Variants in CYP4F3 observed in about 807,000 individuals in gnomAD.
CYP4F3 encodes the protein cytochrome P450 4F3.
A neutral mutation model predicts 54.8 loss-of-function variants in CYP4F3; 50 were observed. The observed-to-expected ratio is 0.91, with a 90% CI of 0.73 to 1.16. The LOEUF (loss-of-function observed/expected upper bound fraction) is 1.16. CYP4F3 is among the 50% of genes most tolerant of loss of function. The pLI, the probability that CYP4F3 is intolerant of heterozygous loss-of-function variation, is 0.00. For synonymous variants in CYP4F3, 244 were observed against 262.6 expected (o/e 0.93, Z 0.69); for missense variants, 715 against 676.2 (o/e 1.06, Z -0.64).
chr19:15,644,063 A>T (rs772487222), intron 2 of CYP4F3: 1 of 1,567,872 alleles, frequency 6.4e-7, no homozygotes, highest in Non-Finnish European at 8.6e-7. Context: ...TACCACCTGG[A>T]ATACTTGGTG....
intron 9 of CYP4F3, among the ~76,000 whole-genome samples, chr19:15,655,437 C>T (rs757499026): frequency 1.3e-5 from 2 of 152,106 alleles, no homozygotes; most frequent in Non-Finnish European, 2.9e-5. Context: ...AGTCTTTGCC[C>T]AGACCCATGT....
At position 15,658,268 on chromosome 19, in the gene CYP4F3, G is replaced by C; in HGVS notation, c.1120G>C (p.Asp374His). The C allele has an allele frequency of 6.2e-7, 1 of 1,613,944 alleles. No homozygotes were observed. Among genetic ancestry groups the C allele is most frequent in the Non-Finnish European group, 8.5e-7 (1 of 1,179,924 alleles). The change falls in exon 10 of 13, where the codon GAC (aspartate) becomes CAC (histidine). Residue 374 changes from aspartate (D) to histidine (H), a missense_variant. Asp to His is a moderately conservative substitution (Grantham distance 81). Coordinates refer to ENST00000221307, the MANE Select transcript of CYP4F3 (RefSeq NM_000896.3). ...DREPKEIEWD[D>H]LAQLPFLTMC... Reference sequence around the variant, plus strand: ...GGGGCTGGGGTGTTTCCTTAGGGACGACCTGGCCCAGCTGCCCTTCCTGAC... The same window carrying C: ...GGGGCTGGGGTGTTTCCTTAGGGACCACCTGGCCCAGCTGCCCTTCCTGAC...
intron 2 of CYP4F3, among the ~76,000 whole-genome samples, chr19:15,645,518 G>A (rs1226261953): frequency 1.3e-5 from 2 of 152,122 alleles, no homozygotes; most frequent in Non-Finnish European, 2.9e-5. Context: ...TGGGGAAAGA[G>A]CTTTTCTGTC....
Position 15,661,942 on chromosome 19 carries a change from A to G in CYP4F3, c.*2557A>G, listed in dbSNP as rs1973191150. On this transcript the variant is annotated 3_prime_UTR_variant, in exon 13 of 13. Transcript: ENST00000221307. ...AACTGTGGTTTGACTGTTTTCTTGT[A>G]TATGGATATCCAATTGTTTCACACA... The G allele has an allele frequency of 6.6e-6, 1 of 152,084 alleles. No homozygotes were observed. The highest frequency in any genetic ancestry group is 1.5e-5 in the Non-Finnish European group (1 of 68,026). 9.4% of individuals were successfully genotyped at this position (152,084 alleles called of 1,614,324 possible).
intron 7 of CYP4F3, 171 bp downstream of exon 7, chr19:15,650,354 C>T (rs1343977869): frequency 1.6e-6 from 2 of 1,284,160 alleles, no homozygotes; most frequent in African/African-American, 3.0e-5. Flanking sequence ...GGACTAGCAC[C>T]TACCAGGGGA....
intron 12 of CYP4F3, 41 bp downstream of exon 12, chr19:15,658,850 G>A: frequency 6.2e-7 from 1 of 1,609,132 alleles, no homozygotes; most frequent in African/African-American, 1.3e-5. Flanking sequence ...GGGGAGATAG[G>A]TGCAGGGGTC....
intron 6 of CYP4F3, 86 bp from the exon 7 acceptor site, chr19:15,649,827 A>C (rs1026670280): frequency 9.6e-6 from 15 of 1,559,542 alleles, no homozygotes; most frequent in Admixed American, 1.8e-5. Context: ...TACTGATAGG[A>C]GGTAGCTCCT....
intron 9 of CYP4F3, among the ~76,000 whole-genome samples, chr19:15,657,446 C>A (rs532119258): frequency 1.3e-5 from 2 of 152,148 alleles, no homozygotes; most frequent in African/African-American, 2.4e-5. Flanking sequence ...GGTGCCCCCC[C>A]ACCATGCCTG....
At chr19:15,644,017 C>A in intron 2 of CYP4F3, 1 of 1,602,368 alleles carries the variant, frequency 6.2e-7, no homozygotes, top group Non-Finnish European at 8.5e-7. Context: ...GTTTTTGCCA[C>A]CCCAACATCA....
intron 2 of CYP4F3, among the ~76,000 whole-genome samples, chr19:15,643,407 T>TA (rs1192650723): frequency 7.2e-5 from 1 of 13,928 alleles, no homozygotes; most frequent in Non-Finnish European, 1.4e-4. Flanking sequence ...TATAGGTAAA[T>TA]AGATAGATAG....
Position 15,658,788 on chromosome 19 carries a change from T to A in CYP4F3, c.1376T>A (p.Ile459Asn), listed in dbSNP as rs773634579. 3 of 1,614,126 alleles carry A rather than the reference T, an allele frequency of 1.9e-6. No individual in the cohort carries two copies. The Admixed American group carries it at 5.0e-5, about 27-fold the overall frequency. Reference sequence around the variant, plus strand: ...AAGGAGAGGTCACCTCTGGCTTTTATTCCCTTCTCAGCAGGGCCCAGGTAA... The same window carrying A: ...AAGGAGAGGTCACCTCTGGCTTTTAATCCCTTCTCAGCAGGGCCCAGGTAA... ...NIKERSPLAFIPFSAGPRNCI... is the reference protein window; with the variant it reads ...NIKERSPLAFNPFSAGPRNCI... Residue 459 changes from isoleucine (I) to asparagine (N), a missense_variant, in exon 12 of 13, where the codon ATT (isoleucine) becomes AAT (asparagine). Transcript: ENST00000221307.
intron 9 of CYP4F3, among the ~76,000 whole-genome samples, chr19:15,656,869 A>G (rs563657023): frequency 5.9e-5 from 9 of 152,168 alleles, no homozygotes; most frequent in South Asian, 2.1e-4. Context: ...ACATATGTAT[A>G]TATTTGTCAC....
At chr19:15,641,916 G>A (rs919282130) in intron 2 of CYP4F3, among the ~76,000 whole-genome samples, 3 of 152,006 alleles carry the variant, frequency 2.0e-5, no homozygotes, top group South Asian at 2.1e-4. Flanking sequence ...AACCCCTGGC[G>A]TTCCCACATT....
intron 12 of CYP4F3, 43 bp downstream of exon 12, chr19:15,658,852 G>A (rs1339131784): frequency 6.2e-7 from 1 of 1,608,034 alleles, no homozygotes; most frequent in African/African-American, 1.3e-5. Context: ...GGAGATAGGT[G>A]CAGGGGTCTG....
chr19:15,641,266 AC>A (rs1420956708), intron 1 of CYP4F3, 148 bp from the exon 2 acceptor site: 2 of 1,003,488 alleles, frequency 2.0e-6, no homozygotes, highest in African/African-American at 3.3e-5. Flanking sequence ...TCTGGACTTT[AC>A]CCCTCAGCCC....
chr19:15,649,045 C>T (rs968326780), intron 5 of CYP4F3, 115 bp from the exon 6 acceptor site: 52 of 1,489,332 alleles, frequency 3.5e-5, no homozygotes, highest in Non-Finnish European at 4.5e-5. Context: ...GGTAAAGGGT[C>T]CCTGGGGAGA....
At chr19:15,652,986 CTG>C in intron 9 of CYP4F3, 34 bp downstream of exon 9, 1 of 1,578,094 alleles carries the variant, frequency 6.3e-7, no homozygotes, top group Non-Finnish European at 8.6e-7. Context: ...GTTCCTGAGC[CTG>C]TCTCATTGGC....
At chr19:15,641,901 A>G (rs916004827) in intron 2 of CYP4F3, among the ~76,000 whole-genome samples, 2 of 152,024 alleles carry the variant, frequency 1.3e-5, no homozygotes, top group Non-Finnish European at 2.9e-5. Context: ...GTGCACAGAA[A>G]GGTGAACCCC....
At chr19:15,652,539 G>A (rs775008796) in intron 7 of CYP4F3, 30 bp from the exon 8 acceptor site, 2 of 1,613,402 alleles carry the variant, frequency 1.2e-6, no homozygotes, top group East Asian at 2.2e-5. Flanking sequence ...TTATGGGGGT[G>A]GGGGTGGGGG....
Sources: allele counts gnomAD v4.1 joint callset (sites outside exome capture counted in the v4.1 genomes callset), GRCh38; gene constraint gnomAD v4.1.1; transcripts MANE v1.5; gene names NCBI Gene and HGNC (gene_info 2026-07-23, HGNC 2026-07-21).